ITPR1: variants seen among roughly 807,000 people sequenced by gnomAD.
ITPR1 encodes inositol 1,4,5-trisphosphate-gated calcium channel ITPR1.
Under a neutral mutation model 318.4 loss-of-function variants are expected in ITPR1, and 96 were observed. The ratio of observed to expected loss-of-function variants is 0.30; its 90% CI spans 0.26 to 0.36. The LOEUF is 0.36. Among genes scored for constraint, ITPR1 ranks in the 10% least tolerant of loss-of-function variants. ITPR1 has a pLI of 1.00. For synonymous variants in ITPR1, 1,312 were observed against 1,289.9 expected (o/e 1.02, Z -0.37); for missense variants, 2,440 against 3,460.2 (o/e 0.71, Z 7.40).
chr3:4,699,296 A>T (rs556056993), intron 34 of ITPR1, among the ~76,000 whole-genome samples: 19 of 152,194 alleles, frequency 1.2e-4, no homozygotes, highest in African/African-American at 3.9e-4. Flanking sequence ...AATGAAGGCC[A>T]CAGTGGGCCA....
At chr3:4,547,044 C>G (rs893412824) in intron 4 of ITPR1, among the ~76,000 whole-genome samples, 8 of 152,142 alleles carry the variant, frequency 5.3e-5, no homozygotes, top group African/African-American at 1.9e-4. Context: ...TCATCTGTGG[C>G]ATGAACACGT....
intron 44 of ITPR1, among the ~76,000 whole-genome samples, chr3:4,744,727 T>C (rs958332757): frequency 6.6e-6 from 1 of 152,180 alleles, no homozygotes; most frequent in African/African-American, 2.4e-5. Context: ...TATTTCCCCT[T>C]TGTTCTGTGC....
chr3:4,653,841 G>C lies in ITPR1; in HGVS notation c.952-1G>C. On this transcript the variant is annotated splice_acceptor_variant, in intron 11 of 61. Coordinates refer to ENST00000649015, the MANE Select transcript of ITPR1 (RefSeq NM_001378452.1). LOFTEE classifies it high-confidence loss of function. ...ATTTCCTAATGATTCTTTTTCATCA[G>C]GTAGACCCTGACTTTGAGGAAGAAT... 6.2e-7 allele frequency: 1 copy of C among 1,607,998 alleles called. No individual in the cohort carries two copies. Among genetic ancestry groups the C allele is most frequent in the Non-Finnish European group, 8.5e-7 (1 of 1,175,884 alleles).
intron 18 of ITPR1, 111 bp downstream of exon 18, chr3:4,667,660 T>G: frequency 9.3e-7 from 1 of 1,071,230 alleles, no homozygotes; most frequent in Non-Finnish European, 1.3e-6. Context: ...AAGTTTTGAT[T>G]AGTTAGGTCT....
At chr3:4,601,124 C>T (rs943895321) in intron 4 of ITPR1, among the ~76,000 whole-genome samples, 2 of 146,932 alleles carry the variant, frequency 1.4e-5, no homozygotes, top group Non-Finnish European at 3.0e-5. Flanking sequence ...AATTTATGGT[C>T]AATTGATTTT....
At chr3:4,708,621 T>A (rs1008916338) in intron 37 of ITPR1, among the ~76,000 whole-genome samples, 4 of 152,364 alleles carry the variant, frequency 2.6e-5, no homozygotes, top group African/African-American at 9.6e-5. Context: ...ACAAACTATC[T>A]GCAATCAAAC....
In ITPR1 at chr3:4,673,237, T is replaced by G. The variant is rs753389201; in HGVS notation, c.2306T>G (p.Met769Arg). 1 of 1,614,004 alleles carries G rather than the reference T, an allele frequency of 6.2e-7. No homozygotes were observed. Among genetic ancestry groups the G allele is most frequent in the Non-Finnish European group, 8.5e-7 (1 of 1,179,874 alleles). Residue 769 changes from methionine to arginine, a missense_variant, in exon 21 of 62, where the codon ATG becomes AGG. Physicochemically the swap from Met to Arg is moderately conservative, Grantham distance 91 (BLOSUM62 -1). Coordinates refer to ENST00000649015, the MANE Select transcript of ITPR1 (RefSeq NM_001378452.1). ...QLDVDLILRC[M>R]SDENLPYDLR... ...GATGTCGATCTCATTCTCCGCTGCATGTCTGACGAGAACCTGCCCTATGAC... is the reference window on the plus strand; with the variant it reads ...GATGTCGATCTCATTCTCCGCTGCAGGTCTGACGAGAACCTGCCCTATGAC...
At chr3:4,721,420 T>C (rs1483633695) in intron 40 of ITPR1, among the ~76,000 whole-genome samples, 1 of 152,090 alleles carries the variant, frequency 6.6e-6, no homozygotes, top group Non-Finnish European at 1.5e-5. Context: ...GATAGGAAGA[T>C]TTAAAGTTGT....
chr3:4,615,159 C>T (rs1180752986), intron 4 of ITPR1, among the ~76,000 whole-genome samples: 3 of 152,142 alleles, frequency 2.0e-5, no homozygotes, highest in African/African-American at 7.2e-5. Context: ...GACACTTCTC[C>T]ACATTGCTCC....
At chr3:4,792,945 G>A (rs1045936448) in intron 52 of ITPR1, among the ~76,000 whole-genome samples, 2 of 152,274 alleles carry the variant, frequency 1.3e-5, no homozygotes, top group Middle Eastern at 3.4e-3. Context: ...AGAGTGCGGG[G>A]TGTGTTCGGG....
At chr3:4,496,122 T>C (rs116245246) in intron 2 of ITPR1, among the ~76,000 whole-genome samples, 1,600 of 152,320 alleles carry the variant, frequency 0.011, 34 homozygotes, top group African/African-American at 0.036. Context: ...CTAGCTGAAA[T>C]ACATCTTGAT....
At chr3:4,761,943 G>A (rs937288878) in intron 44 of ITPR1, among the ~76,000 whole-genome samples, 20 of 152,172 alleles carry the variant, frequency 1.3e-4, no homozygotes, top group African/African-American at 4.8e-4. Flanking sequence ...GGTCACACCA[G>A]GTAGCAGAGG....
intron 35 of ITPR1, among the ~76,000 whole-genome samples, chr3:4,700,791 C>T (rs1303068901): frequency 2.6e-5 from 4 of 152,196 alleles, no homozygotes; most frequent in Non-Finnish European, 1.5e-5. Flanking sequence ...TTAGTGGACT[C>T]ACAGTTCCAT....
In ITPR1 at chr3:4,681,845, ACAGGC is replaced by A. The variant is rs879761679; in HGVS notation, c.3161+428_3161+432del. Among the ~76,000 whole-genome samples the A allele has an allele frequency of 3.7e-3, 565 of 152,290 alleles. 4 individuals carry two copies. Among genetic ancestry groups the A allele is most frequent in the African/African-American group, 0.012 (501 of 41,552 alleles). On this transcript the variant is annotated intron_variant, in intron 26 of 61. Transcript: ENST00000649015. Reference sequence around the variant, plus strand: ...CTACAATTTTATCCCTGAGCTCCTTACAGGCTATGCAACAAAGAAAGCAAAATCTG... The same window carrying A: ...CTACAATTTTATCCCTGAGCTCCTTATATGCAACAAAGAAAGCAAAATCTG...
intron 44 of ITPR1, among the ~76,000 whole-genome samples, chr3:4,740,238 C>A (rs1167966835): frequency 6.6e-6 from 1 of 152,194 alleles, no homozygotes; most frequent in Admixed American, 6.5e-5. Context: ...GCCAGGCCCC[C>A]AAGCTGGATG....
intron 4 of ITPR1, among the ~76,000 whole-genome samples, chr3:4,597,262 T>C (rs1193304945): frequency 2.0e-5 from 3 of 152,170 alleles, no homozygotes; most frequent in East Asian, 1.9e-4. Flanking sequence ...AGATAGAATG[T>C]TGTCTGTGAG....
At chr3:4,765,412 T>C (rs557175347) in intron 44 of ITPR1, among the ~76,000 whole-genome samples, 1 of 152,232 alleles carries the variant, frequency 6.6e-6, no homozygotes, top group African/African-American at 2.4e-5. Context: ...GGAGTCAGAG[T>C]AGCTGAAGTT....
chr3:4,566,256 T>C (rs1453961351), intron 4 of ITPR1, among the ~76,000 whole-genome samples: 2 of 152,296 alleles, frequency 1.3e-5, no homozygotes, highest in Non-Finnish European at 1.5e-5. Flanking sequence ...GTTGGATAGA[T>C]CTTCTAAGAG....
intron 4 of ITPR1, among the ~76,000 whole-genome samples, chr3:4,602,223 A>G (rs1028041803): frequency 6.6e-6 from 1 of 152,224 alleles, no homozygotes; most frequent in Non-Finnish European, 1.5e-5. Context: ...ACGTCTACAT[A>G]AAAACTTGTA....
Sources: allele counts gnomAD v4.1 joint callset (sites outside exome capture counted in the v4.1 genomes callset), GRCh38; gene constraint gnomAD v4.1.1; transcripts MANE v1.5; gene names NCBI Gene and HGNC (gene_info 2026-07-23, HGNC 2026-07-21).